The following ORC5 variants were observed in gnomAD, a reference collection of about 807,000 sequenced individuals.
ORC5 encodes the protein protein phosphatase 1, regulatory subunit 117.
In ORC5, 39 loss-of-function variants were observed where a neutral mutation model predicts 58.8. The ratio of observed to expected loss-of-function variants is 0.66; its 90% CI spans 0.51 to 0.87. The LOEUF is 0.87. ORC5 is among the 40% of genes least tolerant of loss of function. The pLI is 0.00. For missense variants in ORC5, 493 were observed against 506.3 expected, an observed-to-expected ratio of 0.97 and a Z score of 0.25; for synonymous variants, 218 against 177.6, an observed-to-expected ratio of 1.23 and a Z score of -1.81.
In ORC5 at chr7:104,184,208, A is replaced by G. The variant is rs73715103; in HGVS notation, c.685-37T>C. ...GAAAAAAAAAGAGAAGAAAAAAAGC[A>G]CTGATCGATCACAATTAGAAATTTA... On this transcript the variant is annotated intron_variant, in intron 6 of 13. Transcript: ENST00000297431. 180 of 1,267,928 alleles carry G rather than the reference A, an allele frequency of 1.4e-4. No individual in the cohort carries two copies. In the African/African-American group the frequency reaches 2.3e-3, roughly 16 times the overall value. The allele number at this position is 1,267,928 out of a possible 1,614,324, so 78.5% of individuals were successfully genotyped here.
At chr7:104,132,417 T>A (rs1039448465) in intron 13 of ORC5, among the ~76,000 whole-genome samples, 13 of 152,158 alleles carry the variant, frequency 8.5e-5, no homozygotes, top group African/African-American at 3.1e-4. Context: ...TATCCTGTGA[T>A]CCCTATTATC....
chr7:104,135,239 G>T (rs1798571571), intron 13 of ORC5, among the ~76,000 whole-genome samples: 1 of 152,112 alleles, frequency 6.6e-6, no homozygotes. Flanking sequence ...TTGGATAGAG[G>T]CTCTTAGATA....
At chr7:104,135,972 C>A (rs779619197) in intron 13 of ORC5, among the ~76,000 whole-genome samples, 1 of 152,096 alleles carries the variant, frequency 6.6e-6, no homozygotes, top group Non-Finnish European at 1.5e-5. Flanking sequence ...CAGCTGCAAC[C>A]GTATGATGAA....
At chr7:104,131,716 G>A (rs1391983439) in intron 13 of ORC5, among the ~76,000 whole-genome samples, 2 of 152,102 alleles carry the variant, frequency 1.3e-5, no homozygotes, top group East Asian at 3.9e-4. Context: ...TTTGGGCGTT[G>A]TGGCACACGC....
At chr7:104,199,546 G>A (rs1011461729) in intron 3 of ORC5, among the ~76,000 whole-genome samples, 2 of 152,204 alleles carry the variant, frequency 1.3e-5, no homozygotes. Flanking sequence ...CTTTCTTGGG[G>A]CCTACAGCCC....
intron 8 of ORC5, among the ~76,000 whole-genome samples, chr7:104,181,082 G>T (rs992630419): frequency 6.6e-6 from 1 of 152,072 alleles, no homozygotes; most frequent in African/African-American, 2.4e-5. Flanking sequence ...AGAAATGATG[G>T]GCTCATGAAA....
At chr7:104,146,008 C>A (rs1798747537) in intron 12 of ORC5, among the ~76,000 whole-genome samples, 1 of 152,132 alleles carries the variant, frequency 6.6e-6, no homozygotes, top group Non-Finnish European at 1.5e-5. Flanking sequence ...CTGTCACTAG[C>A]AGATGACCTT....
intron 8 of ORC5, among the ~76,000 whole-genome samples, chr7:104,170,331 TG>T (rs1799189174): frequency 6.6e-6 from 1 of 152,208 alleles, no homozygotes; most frequent in South Asian, 2.1e-4. Flanking sequence ...TACATTCTTA[TG>T]GGGTAAAAGG....
chr7:104,176,513 T>C (rs1286432801), intron 8 of ORC5, among the ~76,000 whole-genome samples: 1 of 151,604 alleles, frequency 6.6e-6, no homozygotes, highest in Admixed American at 6.6e-5. Flanking sequence ...ACAAAGAGTC[T>C]GTTTTGTCAG....
chr7:104,183,549 G>A (rs1249999302), intron 8 of ORC5, among the ~76,000 whole-genome samples: 1 of 152,100 alleles, frequency 6.6e-6, no homozygotes, highest in African/African-American at 2.4e-5. Context: ...CATAATGTCT[G>A]ATAAAAAGAA....
At chr7:104,145,707 G>A (rs1326975839) in intron 12 of ORC5, among the ~76,000 whole-genome samples, 1 of 152,068 alleles carries the variant, frequency 6.6e-6, no homozygotes, top group African/African-American at 2.4e-5. Flanking sequence ...ACCAAAAGAG[G>A]ACTCTGAAAG....
Position 104,204,866 on chromosome 7 carries a change from A to G in ORC5, c.73-632T>C, listed in dbSNP as rs563318815. On this transcript the variant is annotated intron_variant, in intron 1 of 13. Coordinates refer to ENST00000297431, the MANE Select transcript of ORC5 (RefSeq NM_002553.4). Reference sequence around the variant, plus strand: ...AGTACATTAGGTTAGCAGCTTAGAGAAAAGTAAATATTGTCAAAGGTCTCT... The same window carrying G: ...AGTACATTAGGTTAGCAGCTTAGAGGAAAGTAAATATTGTCAAAGGTCTCT... 2.6e-5 allele frequency among the ~76,000 whole-genome samples: 4 copies of G among 152,264 alleles called. No individual in the cohort carries two copies. In the East Asian group the frequency reaches 5.8e-4, roughly 22 times the overall value.
At chr7:104,146,498 A>C (rs1798754426) in intron 12 of ORC5, among the ~76,000 whole-genome samples, 1 of 152,222 alleles carries the variant, frequency 6.6e-6, no homozygotes, top group African/African-American at 2.4e-5. Context: ...TGAACTATTA[A>C]TACATGCAAA....
intron 1 of ORC5, among the ~76,000 whole-genome samples, chr7:104,205,542 C>T (rs1455133863): frequency 6.6e-6 from 1 of 152,222 alleles, no homozygotes; most frequent in African/African-American, 2.4e-5. Context: ...TTTCCTTTTA[C>T]AAGACAAATC....
intron 5 of ORC5, among the ~76,000 whole-genome samples, chr7:104,192,665 T>C (rs1465058071): frequency 6.6e-6 from 1 of 151,772 alleles, no homozygotes; most frequent in East Asian, 1.9e-4. Context: ...AAAAGCATAA[T>C]GGATACCCAA....
chr7:104,188,228 A>T (rs760116518), intron 6 of ORC5, 23 bp downstream of exon 6: 2 of 1,569,174 alleles, frequency 1.3e-6, no homozygotes, highest in African/African-American at 1.4e-5. Flanking sequence ...ATATATATAT[A>T]TTCAAGCAAA....
intron 12 of ORC5, among the ~76,000 whole-genome samples, chr7:104,145,653 C>T (rs1798742557): frequency 6.6e-6 from 1 of 151,998 alleles, no homozygotes; most frequent in Admixed American, 6.6e-5. Flanking sequence ...GTTATTCTTC[C>T]CTGCTAAGTA....
At chr7:104,207,528 T>C (rs1001154355) in intron 1 of ORC5, among the ~76,000 whole-genome samples, 2 of 152,080 alleles carry the variant, frequency 1.3e-5, no homozygotes, top group African/African-American at 2.4e-5. Flanking sequence ...TGTCATTGGG[T>C]TGGGGTAAGA....
intron 8 of ORC5, among the ~76,000 whole-genome samples, chr7:104,173,402 T>C (rs553801919): frequency 3.3e-5 from 5 of 152,360 alleles, no homozygotes; most frequent in African/African-American, 1.2e-4. Context: ...ATCATTTTCT[T>C]TTAGAGTCCC....
Sources: allele counts gnomAD v4.1 joint callset (sites outside exome capture counted in the v4.1 genomes callset), GRCh38; gene constraint gnomAD v4.1.1; transcripts MANE v1.5; gene names NCBI Gene and HGNC (gene_info 2026-07-23, HGNC 2026-07-21).